Variants in TMEM117 observed in about 807,000 individuals in gnomAD.
TMEM117 encodes transmembrane protein 117.
TMEM117 carries 27 observed loss-of-function variants against 52.4 expected under a neutral mutation model. That is an observed-to-expected ratio of 0.51 (90% confidence interval 0.38 to 0.71). The LOEUF (loss-of-function observed/expected upper bound fraction) is 0.71. Ranked by LOEUF, TMEM117 falls within the 30% of genes least tolerant of loss-of-function variation. The pLI is 0.00. For synonymous variants in TMEM117, 215 were observed against 206.3 expected (o/e 1.04, Z -0.36); for missense variants, 556 against 630.5 (o/e 0.88, Z 1.26).
chr12:44,346,575 T>G (rs574208435), intron 6 of TMEM117, among the ~76,000 whole-genome samples: 22 of 152,270 alleles, frequency 1.4e-4, no homozygotes, highest in African/African-American at 5.1e-4. Context: ...TTTCAGACTC[T>G]TGCACATACT....
intron 5 of TMEM117, among the ~76,000 whole-genome samples, chr12:44,254,806 C>T (rs1334946245): frequency 2.0e-5 from 3 of 152,020 alleles, no homozygotes; most frequent in Non-Finnish European, 4.4e-5. Flanking sequence ...TATCCCTCCC[C>T]TCTCCCCCCA....
chr12:43,857,893 T>C (rs1943427319), intron 2 of TMEM117, among the ~76,000 whole-genome samples: 1 of 151,994 alleles, frequency 6.6e-6, no homozygotes, highest in Non-Finnish European at 1.5e-5. Context: ...GATAAATAAG[T>C]GGTGGTAGGT....
chr12:43,896,353 A>G lies in TMEM117; in HGVS notation c.278-47857A>G, dbSNP rs183078285. On this transcript the variant is annotated intron_variant, in intron 2 of 7. Coordinates refer to ENST00000266534, the MANE Select transcript of TMEM117 (RefSeq NM_032256.3). ...TCCATCTCTTATTAAAATCTTAGTC[A>G]TTTTTCAGAGCTCAGCAAAAATATC... Among the ~76,000 whole-genome samples, 35 of 152,034 alleles carry G rather than the reference A, an allele frequency of 2.3e-4. 1 individual carries two copies. The East Asian group carries it at 6.8e-3, about 29-fold the overall frequency.
intron 3 of TMEM117, among the ~76,000 whole-genome samples, chr12:44,090,396 CTTTTTATTTATT>C (rs1416693927): frequency 2.6e-4 from 37 of 143,920 alleles, no homozygotes; most frequent in Admixed American, 4.3e-4. Context: ...TTTTATCTTA[CTTTTTATTTATT>C]TATTTATTTA....
chr12:44,319,402 T>C (rs956333340), intron 6 of TMEM117, among the ~76,000 whole-genome samples: 3 of 152,104 alleles, frequency 2.0e-5, no homozygotes, highest in African/African-American at 7.2e-5. Flanking sequence ...GAAAAGTGAC[T>C]CACAGAGGGA....
chr12:44,397,834 A>G, the TMEM117 span, among the ~76,000 whole-genome samples: 32,805 of 152,144 alleles, frequency 0.22, 6,621 homozygotes, highest in African/African-American at 0.53. Flanking sequence ...AGGTCTAAGC[A>G]TAAGTATCCA....
intron 3 of TMEM117, among the ~76,000 whole-genome samples, chr12:43,965,314 G>T (rs1945466949): frequency 6.6e-6 from 1 of 152,162 alleles, no homozygotes; most frequent in African/African-American, 2.4e-5. Flanking sequence ...CACATCACAT[G>T]CATTTCTCCT....
At chr12:43,907,074 C>A (rs1022664778) in intron 2 of TMEM117, among the ~76,000 whole-genome samples, 2 of 152,178 alleles carry the variant, frequency 1.3e-5, no homozygotes, top group African/African-American at 4.8e-5. Flanking sequence ...CAGCAGTAAC[C>A]TCTGCAGACT....
At chr12:43,907,326 C>T (rs1944410445) in intron 2 of TMEM117, among the ~76,000 whole-genome samples, 1 of 150,916 alleles carries the variant, frequency 6.6e-6, no homozygotes, top group African/African-American at 2.4e-5. Flanking sequence ...AAAGGACATC[C>T]ACACCAAAAA....
At chr12:43,987,341 TC>T (rs1307927773) in intron 3 of TMEM117, among the ~76,000 whole-genome samples, 1 of 152,190 alleles carries the variant, frequency 6.6e-6, no homozygotes, top group Non-Finnish European at 1.5e-5. Flanking sequence ...ATGGGATATT[TC>T]TTATGGCACA....
intron 3 of TMEM117, among the ~76,000 whole-genome samples, chr12:44,013,696 G>A (rs1001340986): frequency 2.0e-5 from 3 of 152,080 alleles, no homozygotes; most frequent in African/African-American, 4.8e-5. Flanking sequence ...TGTCCACACC[G>A]AGCCTCCATC....
At chr12:44,005,272 T>C (rs890563224) in intron 3 of TMEM117, among the ~76,000 whole-genome samples, 2 of 152,264 alleles carry the variant, frequency 1.3e-5, no homozygotes, top group South Asian at 2.1e-4. Context: ...TTTTGTTTAA[T>C]GTCTAAATTT....
At chr12:43,900,515 C>T (rs146710083) in intron 2 of TMEM117, among the ~76,000 whole-genome samples, 2,077 of 151,936 alleles carry the variant, frequency 0.014, 35 homozygotes, top group African/African-American at 0.048. Context: ...GTCAGGAGTT[C>T]GAGATCAGCC....
chr12:43,937,565 C>T (rs1466757026), intron 2 of TMEM117, among the ~76,000 whole-genome samples: 1 of 151,926 alleles, frequency 6.6e-6, no homozygotes, highest in Non-Finnish European at 1.5e-5. Context: ...GAGCTTCTCG[C>T]CAAATAGGAG....
chr12:44,305,539 C>G (rs2138656328), intron 6 of TMEM117, among the ~76,000 whole-genome samples: 1 of 150,328 alleles, frequency 6.7e-6, no homozygotes, highest in Non-Finnish European at 1.5e-5. Flanking sequence ...AAGCAGCCAA[C>G]AAGCATATGA....
chr12:43,860,106 G>A (rs564892366), intron 2 of TMEM117, among the ~76,000 whole-genome samples: 2 of 152,242 alleles, frequency 1.3e-5, no homozygotes, highest in African/African-American at 2.4e-5. Flanking sequence ...CACGTGCCAT[G>A]GTGGTTTGCT....
At chr12:44,293,570 T>C (rs1180567883) in intron 5 of TMEM117, among the ~76,000 whole-genome samples, 1 of 152,082 alleles carries the variant, frequency 6.6e-6, no homozygotes, top group Non-Finnish European at 1.5e-5. Flanking sequence ...CCTTTTTGTC[T>C]TTTGTGTGTC....
At chr12:44,012,030 A>ATAAT (rs1481648726) in intron 3 of TMEM117, among the ~76,000 whole-genome samples, 22 of 152,344 alleles carry the variant, frequency 1.4e-4, no homozygotes, top group African/African-American at 5.3e-4. Context: ...TTTTCATTTA[A>ATAAT]TATTTTCAGA....
At chr12:43,946,004 G>A (rs1945125732) in intron 3 of TMEM117, among the ~76,000 whole-genome samples, 1 of 152,198 alleles carries the variant, frequency 6.6e-6, no homozygotes. Context: ...ATACTAACAA[G>A]TGATAAATTC....
Sources: allele counts gnomAD v4.1 joint callset (sites outside exome capture counted in the v4.1 genomes callset), GRCh38; gene constraint gnomAD v4.1.1; transcripts MANE v1.5; gene names NCBI Gene and HGNC (gene_info 2026-07-23, HGNC 2026-07-21).